ZDHHC7: variants seen among roughly 807,000 people sequenced by gnomAD.
ZDHHC7 encodes palmitoyltransferase ZDHHC7.
ZDHHC7 carries 12 observed loss-of-function variants against 34.1 expected under a neutral mutation model. The observed-to-expected ratio is 0.35, with a 90% confidence interval of 0.23 to 0.57. The LOEUF is 0.57. ZDHHC7 is among the 20% of genes least tolerant of loss of function. The pLI is 0.84. For synonymous variants in ZDHHC7, 185 were observed against 155.4 expected, an observed-to-expected ratio of 1.19 and a Z score of -1.42; for missense variants, 388 against 402.7, an observed-to-expected ratio of 0.96 and a Z score of 0.31.
At chr16:85,014,360 T>C (rs142198625), upstream of ZDHHC7, among the ~76,000 whole-genome samples, 6 of 152,344 alleles carry the variant, frequency 3.9e-5, no homozygotes, top group African/African-American at 1.4e-4. Context: ...GCAGGCTTAA[T>C]GCACAGTTAC....
chr16:84,984,931 G>A (rs551552370), intron 3 of ZDHHC7, among the ~76,000 whole-genome samples: 10 of 152,302 alleles, frequency 6.6e-5, no homozygotes, highest in African/African-American at 1.9e-4. Context: ...CGATGACAGC[G>A]GCAGGGGCTG....
At chr16:85,027,283 T>G in the ZDHHC7 span, among the ~76,000 whole-genome samples, 1 of 152,204 alleles carries the variant, frequency 6.6e-6, no homozygotes, top group African/African-American at 2.4e-5. Context: ...TTATTTTTTT[T>G]AGCTCCTGCT....
upstream of ZDHHC7, among the ~76,000 whole-genome samples, chr16:85,016,062 C>CA (rs1597573587): frequency 1.3e-5 from 2 of 152,286 alleles, no homozygotes; most frequent in East Asian, 3.9e-4. Context: ...TCCACCCCCC[C>CA]AACCACGTCA....
intron 3 of ZDHHC7, among the ~76,000 whole-genome samples, chr16:84,989,080 C>T (rs2072474974): frequency 6.6e-6 from 1 of 152,224 alleles, no homozygotes; most frequent in African/African-American, 2.4e-5. Context: ...AATGACAAGA[C>T]AGGCTTTAAT....
the ZDHHC7 span, among the ~76,000 whole-genome samples, chr16:85,018,092 G>C: frequency 2.0e-5 from 3 of 152,220 alleles, no homozygotes; most frequent in African/African-American, 7.2e-5. Flanking sequence ...GCCATGTTGG[G>C]TCCAGTTGGT....
chr16:84,976,580 G>C, intron 7 of ZDHHC7, 61 bp from the exon 8 acceptor site: 1 of 1,578,400 alleles, frequency 6.3e-7, no homozygotes, highest in Non-Finnish European at 8.6e-7. Flanking sequence ...ACCCCACCAA[G>C]CCTCAGAATC....
At chr16:85,023,173 T>C in the ZDHHC7 span, among the ~76,000 whole-genome samples, 2 of 150,908 alleles carry the variant, frequency 1.3e-5, no homozygotes, top group Admixed American at 6.6e-5. Flanking sequence ...CTTTTCTTTT[T>C]TTTTTTTTTT....
At chr16:84,983,175 C>T (rs1567494295) in intron 3 of ZDHHC7, among the ~76,000 whole-genome samples, 1 of 152,140 alleles carries the variant, frequency 6.6e-6, no homozygotes, top group Non-Finnish European at 1.5e-5. Context: ...ATGAGACCCA[C>T]GGACACTGGG....
intron 3 of ZDHHC7, among the ~76,000 whole-genome samples, chr16:84,987,746 G>A (rs1183134942): frequency 6.6e-6 from 1 of 152,204 alleles, no homozygotes; most frequent in Non-Finnish European, 1.5e-5. Context: ...TCCGGCCAGA[G>A]CATGGAATAT....
chr16:84,987,235 C>G (rs183604031), intron 3 of ZDHHC7, among the ~76,000 whole-genome samples: 4 of 152,318 alleles, frequency 2.6e-5, no homozygotes, highest in Admixed American at 2.6e-4. Flanking sequence ...TCACTTGTCA[C>G]CAGAGGACTC....
At chr16:85,003,817 G>A (rs1408740324) in intron 1 of ZDHHC7, among the ~76,000 whole-genome samples, 2 of 152,222 alleles carry the variant, frequency 1.3e-5, no homozygotes, top group East Asian at 3.9e-4. Flanking sequence ...AATGAACCGT[G>A]GAAGTGGGAG....
chr16:84,990,183 T>C, intron 3 of ZDHHC7, 121 bp downstream of exon 3: 1 of 1,214,924 alleles, frequency 8.2e-7, no homozygotes, highest in South Asian at 1.5e-5. Flanking sequence ...TCAATCCACC[T>C]TTCTTGTTCC....
At chr16:85,008,142 C>A (rs890822869) in intron 1 of ZDHHC7, among the ~76,000 whole-genome samples, 2 of 151,996 alleles carry the variant, frequency 1.3e-5, no homozygotes, top group African/African-American at 4.8e-5. Flanking sequence ...ACAATTTAAC[C>A]TTATTTAATC....
In ZDHHC7 at chr16:84,975,103, T is replaced by C. The variant is rs536183145; in HGVS notation, c.*1240A>G. 1.3e-5 allele frequency: 2 copies of C among 152,800 alleles called. No homozygotes were observed. Among genetic ancestry groups the C allele is most frequent in the African/African-American group, 2.4e-5 (1 of 41,594 alleles). 9.5% of individuals were successfully genotyped at this position (152,800 alleles called of 1,614,324 possible). A position where few individuals can be genotyped will look rare whatever the true frequency, so the allele number is the denominator to read the frequency against. ...AGGCCCCACGAGGGGAGCTGTTGGC[T>C]TTCTGGCATAATTTTAAGCTCCGCA... On this transcript the variant is annotated 3_prime_UTR_variant, in exon 8 of 8. Coordinates refer to ENST00000313732, the MANE Select transcript of ZDHHC7 (RefSeq NM_017740.3).
At position 84,990,555 on chromosome 16, in the gene ZDHHC7, T is replaced by C; in HGVS notation, c.64A>G (p.Asn22Asp). The C allele has an allele frequency of 6.2e-7, 1 of 1,614,104 alleles. No homozygotes were observed. The highest frequency in any genetic ancestry group is 1.7e-5 in the Admixed American group (1 of 60,012). ...GAGGAGGACGATGAAGAGTCATAGT[T>C]GTCATTTTCAGCCAGGAGAGGATGA... Reference protein sequence around the residue: ...EHHPLLAENDNYDSSSSSSSE... With the variant: ...EHHPLLAENDDYDSSSSSSSE... Residue 22 changes from asparagine to aspartate, a missense_variant, in exon 3 of 8, where the codon AAC becomes GAC. Asn to Asp is a conservative substitution (Grantham distance 23). Coordinates refer to ENST00000313732, the MANE Select transcript of ZDHHC7 (RefSeq NM_017740.3).
chr16:85,004,467 G>C (rs2072692422), intron 1 of ZDHHC7, among the ~76,000 whole-genome samples: 1 of 151,966 alleles, frequency 6.6e-6, no homozygotes, highest in African/African-American at 2.4e-5. Context: ...ACGTAAATCA[G>C]ATCATGTCAC....
At chr16:85,009,586 A>T (rs983193587) in intron 1 of ZDHHC7, among the ~76,000 whole-genome samples, 1 of 152,194 alleles carries the variant, frequency 6.6e-6, no homozygotes, top group South Asian at 2.1e-4. Flanking sequence ...TCAGAAGCCA[A>T]TGTGGGCCCC....
At chr16:84,996,814 G>A (rs900176108) in intron 1 of ZDHHC7, among the ~76,000 whole-genome samples, 5 of 152,116 alleles carry the variant, frequency 3.3e-5, no homozygotes, top group Non-Finnish European at 5.9e-5. Context: ...GGATCATGAG[G>A]TCAGAAGTTC....
intron 1 of ZDHHC7, chr16:85,005,103 G>C (rs1354543842): frequency 6.6e-6 from 1 of 152,152 alleles, no homozygotes; most frequent in Non-Finnish European, 1.5e-5. Flanking sequence ...AAAAATCCCA[G>C]CATGGTAACT....
Sources: gnomAD v4.1 joint callset for allele counts (sites outside exome capture counted in the v4.1 genomes callset) on GRCh38, gnomAD v4.1.1 for gene constraint, MANE v1.5 for transcripts, NCBI Gene and HGNC (gene_info 2026-07-23, HGNC 2026-07-21) for gene names.